The following DACH2 variants were observed in gnomAD, a reference collection of about 807,000 sequenced individuals.
The protein encoded by DACH2 is dachshund homolog 2.
Under a neutral mutation model 35.8 loss-of-function variants are expected in DACH2, and 17 were observed. The observed-to-expected ratio is 0.48, with a 90% CI of 0.33 to 0.71. The LOEUF is 0.71. Among genes scored for constraint, DACH2 ranks in the 30% least tolerant of loss-of-function variants. The pLI is 0.02. For missense variants in DACH2, 469 were observed against 472.7 expected (o/e 0.99, Z 0.07); for synonymous variants, 195 against 177.3 (o/e 1.10, Z -0.79).
chrX:86,246,738 C>T (rs1006933077), intron 1 of DACH2, among the ~76,000 whole-genome samples: 1 of 111,965 alleles, frequency 8.9e-6, no homozygotes, highest in African/African-American at 3.2e-5. Context: ...CCAAAACATA[C>T]TTTGACCATT....
At chrX:86,151,151 T>C (rs1002547372) in intron 1 of DACH2, among the ~76,000 whole-genome samples, 6 of 111,025 alleles carry the variant, frequency 5.4e-5, no homozygotes, top group Admixed American at 1.9e-4. Flanking sequence ...AAAAAAAAAA[T>C]CCAGAGGCAG....
Position 86,741,442 on chromosome X carries a change from T to C in DACH2, c.1240+1560T>C, listed in dbSNP as rs769309724. Among the ~76,000 whole-genome samples, 170 of 111,992 alleles carry C rather than the reference T, an allele frequency of 1.5e-3. 1 individual carries two copies. The highest frequency in any genetic ancestry group is 2.9e-3 in the Non-Finnish European group (152 of 53,131). On this transcript the variant is annotated intron_variant, in intron 7 of 11. Transcript: ENST00000373125. ...GAATAGAGCCTGGGCAGCAGTATTT[T>C]GTTTTGCTTTTCAGCATTTCTTCAA...
chrX:86,460,702 AG>A (rs761250084), intron 2 of DACH2, among the ~76,000 whole-genome samples: 1 of 111,254 alleles, frequency 9.0e-6, no homozygotes, highest in African/African-American at 3.2e-5. Flanking sequence ...AATTTTTTCA[AG>A]AAATCACAAC....
Position 86,812,911 on chromosome X carries a change from G to A in DACH2, c.1296G>A (p.Leu432=). ...AGTCACCCTTGGACAAGATACAGCT[G>A]ACTCCTGGGCAGGCATTGCCCGCTG... is the stretch of plus-strand genomic sequence containing the variant. ...IMKSPLDKIQ[L]TPGQALPAGF... The change falls in exon 8 of 12, where the codon CTG becomes CTA. Residue 432 remains leucine (L), a synonymous_variant. Coordinates refer to ENST00000373125, the MANE Select transcript of DACH2 (RefSeq NM_053281.3). 1 of 1,208,299 alleles carries A rather than the reference G, an allele frequency of 8.3e-7. No homozygotes were observed. The highest frequency in any genetic ancestry group is 1.1e-6 in the Non-Finnish European group (1 of 893,074).
chrX:86,323,201 C>A (rs781735085), intron 1 of DACH2, among the ~76,000 whole-genome samples: 1 of 112,289 alleles, frequency 8.9e-6, no homozygotes, highest in South Asian at 3.7e-4. Flanking sequence ...AAGCTGTCCC[C>A]ACAGCATACC....
intron 2 of DACH2, among the ~76,000 whole-genome samples, chrX:86,486,030 A>C (rs1040821587): frequency 9.0e-6 from 1 of 111,428 alleles, no homozygotes; most frequent in Non-Finnish European, 1.9e-5. Flanking sequence ...CTTAATACAA[A>C]ACACTTAGAA....
intron 2 of DACH2, chrX:86,480,991 T>C (rs956536548): frequency 1.8e-5 from 2 of 112,386 alleles, no homozygotes; most frequent in Non-Finnish European, 3.8e-5. Context: ...TTTTCTGCTT[T>C]GATCATTAGC....
At chrX:86,471,685 C>T (rs1000842080) in intron 2 of DACH2, among the ~76,000 whole-genome samples, 1 of 111,087 alleles carries the variant, frequency 9.0e-6, no homozygotes, top group African/African-American at 3.3e-5. Context: ...ATACATTACT[C>T]TTCATCTAGT....
At chrX:86,406,163 G>T (rs780439665) in intron 2 of DACH2, among the ~76,000 whole-genome samples, 23 of 111,629 alleles carry the variant, frequency 2.1e-4, no homozygotes, top group Non-Finnish European at 3.8e-4. Flanking sequence ...TGGCAGACTT[G>T]ATAAGAAAAA....
intron 1 of DACH2, among the ~76,000 whole-genome samples, chrX:86,341,412 T>C (rs2035410335): frequency 9.0e-6 from 1 of 111,639 alleles, no homozygotes; most frequent in South Asian, 3.7e-4. Flanking sequence ...GCTTAATAAA[T>C]ATTTTAAGCC....
At chrX:86,727,608 T>G (rs1433507958) in intron 6 of DACH2, among the ~76,000 whole-genome samples, 1 of 111,029 alleles carries the variant, frequency 9.0e-6, no homozygotes, top group African/African-American at 3.3e-5. Context: ...GGGGCATCTC[T>G]GTGCTGAAAA....
chrX:86,453,580 CT>C (rs201219667), intron 2 of DACH2, among the ~76,000 whole-genome samples: 23,944 of 110,587 alleles, frequency 0.22, 2,303 homozygotes, highest in Middle Eastern at 0.38. Context: ...CCCTGTTTGT[CT>C]TTTTTTTATC....
At chrX:86,757,502 CT>C (rs1569478736) in intron 7 of DACH2, among the ~76,000 whole-genome samples, 2 of 111,919 alleles carry the variant, frequency 1.8e-5, no homozygotes, top group Non-Finnish European at 3.8e-5. Context: ...TGGTCCTGGA[CT>C]TTTTTTCTTA....
At chrX:86,520,496 T>C (rs962316691) in intron 3 of DACH2, among the ~76,000 whole-genome samples, 3 of 111,369 alleles carry the variant, frequency 2.7e-5, no homozygotes, top group East Asian at 2.8e-4. Flanking sequence ...AATACTTTCA[T>C]TGGAGGGCTG....
chrX:86,456,600 A>T (rs2037479632), intron 2 of DACH2, among the ~76,000 whole-genome samples: 1 of 111,617 alleles, frequency 9.0e-6, no homozygotes, highest in South Asian at 3.7e-4. Context: ...AAAAACTGTT[A>T]TTCATTAGAT....
At chrX:86,819,555 G>A (rs895517180) in intron 11 of DACH2, among the ~76,000 whole-genome samples, 1 of 111,962 alleles carries the variant, frequency 8.9e-6, no homozygotes, top group African/African-American at 3.2e-5. Flanking sequence ...CTGAACAGCA[G>A]TACCATTAGC....
intron 7 of DACH2, among the ~76,000 whole-genome samples, chrX:86,774,012 TC>T (rs913273819): frequency 3.6e-5 from 4 of 111,592 alleles, no homozygotes; most frequent in African/African-American, 1.3e-4. Context: ...CAAACTCTTC[TC>T]CACGGTGGTT....
intron 2 of DACH2, among the ~76,000 whole-genome samples, chrX:86,495,304 C>T (rs547831601): frequency 2.7e-5 from 3 of 109,722 alleles, no homozygotes; most frequent in South Asian, 7.8e-4. Flanking sequence ...CTGATCCACC[C>T]GCCTCGGTTT....
At chrX:86,397,014 A>C (rs2036309464) in intron 2 of DACH2, among the ~76,000 whole-genome samples, 1 of 110,794 alleles carries the variant, frequency 9.0e-6, no homozygotes, top group South Asian at 3.8e-4. Context: ...GATTCTTCCT[A>C]CCCGTGAGCA....
Sources: gnomAD v4.1 joint callset for allele counts (sites outside exome capture counted in the v4.1 genomes callset) on GRCh38, gnomAD v4.1.1 for gene constraint, MANE v1.5 for transcripts, NCBI Gene and HGNC (gene_info 2026-07-23, HGNC 2026-07-21) for gene names.